The following FRMD4A variants were observed in gnomAD, a reference collection of about 807,000 sequenced individuals.
The protein encoded by FRMD4A is FERM domain-containing protein 4A.
Under a neutral mutation model 129.1 loss-of-function variants are expected in FRMD4A, and 29 were observed. The observed-to-expected ratio is 0.22, with a 90% CI of 0.17 to 0.31. The LOEUF is 0.31. Among genes scored for constraint, FRMD4A ranks in the 10% least tolerant of loss-of-function variants. The pLI is 1.00. For synonymous variants in FRMD4A, 634 were observed against 571.6 expected, an observed-to-expected ratio of 1.11 and a Z score of -1.56; for missense variants, 1,272 against 1,375.8, an observed-to-expected ratio of 0.92 and a Z score of 1.19.
intron 2 of FRMD4A, among the ~76,000 whole-genome samples, chr10:13,990,723 C>G (rs572582197): frequency 6.6e-6 from 1 of 152,202 alleles, no homozygotes. Flanking sequence ...GTGACCTCTC[C>G]GATCTCCAGA....
chr10:14,187,680 C>A (rs1434669002), intron 2 of FRMD4A, among the ~76,000 whole-genome samples: 2 of 152,096 alleles, frequency 1.3e-5, no homozygotes, highest in African/African-American at 4.8e-5. Flanking sequence ...ACTTGGGAGG[C>A]TGGGGTGGGA....
chr10:14,038,873 T>A (rs1391129346), intron 2 of FRMD4A, among the ~76,000 whole-genome samples: 1 of 152,188 alleles, frequency 6.6e-6, no homozygotes, highest in Non-Finnish European at 1.5e-5. Flanking sequence ...CGAATCTGAT[T>A]AGGTTTCTAT....
intron 2 of FRMD4A, chr10:13,972,297 T>G (rs1415185114): frequency 1.0e-6 from 1 of 987,370 alleles, no homozygotes; most frequent in African/African-American, 1.7e-5. Context: ...CTTAACTCTT[T>G]ACAACTTGGA....
At chr10:14,029,144 T>G (rs1255069823) in intron 2 of FRMD4A, among the ~76,000 whole-genome samples, 1 of 152,206 alleles carries the variant, frequency 6.6e-6, no homozygotes, top group Non-Finnish European at 1.5e-5. Flanking sequence ...ACCGTTAAAT[T>G]TCTTTCTCTT....
At chr10:13,674,885 A>C in intron 16 of FRMD4A, 26 bp downstream of exon 16, 1 of 1,612,136 alleles carries the variant, frequency 6.2e-7, no homozygotes, top group African/African-American at 1.3e-5. Flanking sequence ...CACCAATTTC[A>C]ACGGGATGAG....
chr10:14,150,343 G>C (rs1228846320), intron 2 of FRMD4A, among the ~76,000 whole-genome samples: 3 of 152,216 alleles, frequency 2.0e-5, no homozygotes, highest in African/African-American at 7.2e-5. Flanking sequence ...CCTGTGAACT[G>C]CTGATAAGTA....
chr10:14,268,579 C>T (rs1235331378), intron 2 of FRMD4A, among the ~76,000 whole-genome samples: 1 of 152,218 alleles, frequency 6.6e-6, no homozygotes, highest in African/African-American at 2.4e-5. Context: ...TCACATGCTA[C>T]CTACCTGCCA....
At chr10:13,930,359 ACT>A (rs1172124960) in intron 2 of FRMD4A, among the ~76,000 whole-genome samples, 1 of 152,116 alleles carries the variant, frequency 6.6e-6, no homozygotes, top group Non-Finnish European at 1.5e-5. Context: ...GGCTCCTGCT[ACT>A]CTCTGGCTTC....
rs149224851 is a variant in FRMD4A at position 14,197,211 on chromosome 10, A to G, written c.45+132847T>C. On this transcript the variant is annotated intron_variant, in intron 2 of 24. Coordinates refer to ENST00000357447, the MANE Select transcript of FRMD4A (RefSeq NM_018027.5). ...TCACAATAAGGGAACCCCACATTTT[A>G]TACAATTTTATACAGGCAAATCGGG... Among the ~76,000 whole-genome samples, 876 of 152,274 alleles carry G rather than the reference A, an allele frequency of 5.8e-3. 4 individuals are homozygous for G. Among genetic ancestry groups the G allele is most frequent in the Middle Eastern group, 0.01 (3 of 294 alleles).
intron 2 of FRMD4A, among the ~76,000 whole-genome samples, chr10:14,113,006 TGGA>T: frequency 6.6e-6 from 1 of 152,108 alleles, no homozygotes; most frequent in Non-Finnish European, 1.5e-5. Context: ...CTGAGCAGCC[TGGA>T]GGAGAAGGAG....
chr10:14,205,067 T>C (rs941779996), intron 2 of FRMD4A, among the ~76,000 whole-genome samples: 9 of 151,346 alleles, frequency 5.9e-5, no homozygotes, highest in Non-Finnish European at 1.0e-4. Context: ...CTTTCTTTTT[T>C]TTTTTTTTTG....
At chr10:14,288,797 C>A (rs1320312771) in intron 2 of FRMD4A, among the ~76,000 whole-genome samples, 1 of 152,120 alleles carries the variant, frequency 6.6e-6, no homozygotes, top group African/African-American at 2.4e-5. Context: ...TCTCCTCCAG[C>A]CCCTGCAACC....
chr10:13,969,465 T>C (rs561306266), intron 2 of FRMD4A, among the ~76,000 whole-genome samples: 1 of 152,348 alleles, frequency 6.6e-6, no homozygotes, highest in South Asian at 2.1e-4. Context: ...GGCCAATCAT[T>C]CAGCACTCTC....
At chr10:13,828,531 C>CTTTT (rs749537885) in intron 3 of FRMD4A, among the ~76,000 whole-genome samples, 2 of 93,134 alleles carry the variant, frequency 2.1e-5, no homozygotes. Flanking sequence ...TTCTTTCTTT[C>CTTTT]TTTCTTTTTT....
intron 2 of FRMD4A, among the ~76,000 whole-genome samples, chr10:14,016,203 T>G (rs768068591): frequency 3.1e-4 from 47 of 152,202 alleles, no homozygotes; most frequent in Non-Finnish European, 6.2e-4. Context: ...CAGCCTGTGC[T>G]GCATGGGAAC....
intron 2 of FRMD4A, among the ~76,000 whole-genome samples, chr10:14,020,132 T>C (rs1465187556): frequency 1.3e-5 from 2 of 152,244 alleles, no homozygotes; most frequent in East Asian, 3.8e-4. Flanking sequence ...TCTCCCGTCT[T>C]GTGCTCTTGG....
chr10:14,084,371 T>G (rs1054706503), intron 2 of FRMD4A, among the ~76,000 whole-genome samples: 2 of 152,346 alleles, frequency 1.3e-5, no homozygotes, highest in Admixed American at 6.5e-5. Flanking sequence ...GGTCTTGAAC[T>G]CCTGACCTCA....
chr10:14,268,989 T>C (rs1424775066), intron 2 of FRMD4A, among the ~76,000 whole-genome samples: 1 of 152,238 alleles, frequency 6.6e-6, no homozygotes, highest in Non-Finnish European at 1.5e-5. Context: ...GACAAAACTT[T>C]CTGAGGTTTG....
chr10:14,112,620 G>A (rs111666523), intron 2 of FRMD4A, among the ~76,000 whole-genome samples: 7,369 of 152,208 alleles, frequency 0.048, 222 homozygotes, highest in Admixed American at 0.084. Context: ...CTGCCTCCCA[G>A]GTTCAAGTGA....
Sources: gnomAD v4.1 joint callset for allele counts (sites outside exome capture counted in the v4.1 genomes callset) on GRCh38, gnomAD v4.1.1 for gene constraint, MANE v1.5 for transcripts, NCBI Gene and HGNC (gene_info 2026-07-23, HGNC 2026-07-21) for gene names.